CWF19L2: variants seen among roughly 807,000 people sequenced by gnomAD.
The protein encoded by CWF19L2 is CWF19-like protein 2.
CWF19L2 carries 98 observed loss-of-function variants against 111.7 expected under a neutral mutation model. That is an observed-to-expected ratio of 0.88 (90% CI 0.75 to 1.04). CWF19L2 has a LOEUF of 1.04. Ranked by LOEUF, CWF19L2 falls within the 50% of genes least tolerant of loss-of-function variation. CWF19L2 has a pLI of 0.00. For synonymous variants in CWF19L2, 351 were observed against 342.9 expected (o/e 1.02, Z -0.26); for missense variants, 1,101 against 1,051.4 (o/e 1.05, Z -0.65).
intron 10 of CWF19L2, among the ~76,000 whole-genome samples, chr11:107,397,554 C>T (rs1481130100): frequency 1.3e-5 from 2 of 151,930 alleles, no homozygotes; most frequent in Non-Finnish European, 2.9e-5. Context: ...GGCCTAGCCC[C>T]GCCCCCACCT....
At chr11:107,328,199 A>T (rs1423367231) in intron 17 of CWF19L2, among the ~76,000 whole-genome samples, 1 of 151,730 alleles carries the variant, frequency 6.6e-6, no homozygotes, top group Non-Finnish European at 1.5e-5. Context: ...TTCATGGAAA[A>T]GGGAATCTCC....
At chr11:107,388,151 T>C (rs1860797669) in intron 12 of CWF19L2, among the ~76,000 whole-genome samples, 1 of 152,206 alleles carries the variant, frequency 6.6e-6, no homozygotes, top group African/African-American at 2.4e-5. Flanking sequence ...CAACACTCTG[T>C]TGAAAATATC....
chr11:107,402,533 C>A (rs568179746), intron 10 of CWF19L2, among the ~76,000 whole-genome samples: 2 of 151,996 alleles, frequency 1.3e-5, no homozygotes, highest in South Asian at 2.1e-4. Context: ...CAATGCAATA[C>A]CACTTTACTC....
At chr11:107,350,116 T>A (rs1455613647) in intron 13 of CWF19L2, among the ~76,000 whole-genome samples, 3 of 152,168 alleles carry the variant, frequency 2.0e-5, no homozygotes, top group Non-Finnish European at 4.4e-5. Context: ...AGAAAATTCA[T>A]AAATTAATAC....
Position 107,353,641 on chromosome 11 carries a change from G to A in CWF19L2, c.1968C>T (p.Asn656=). 6.2e-7 allele frequency: 1 copy of A among 1,613,628 alleles called. No individual in the cohort carries two copies. Among genetic ancestry groups the A allele is most frequent in the East Asian group, 2.2e-5 (1 of 44,846 alleles). Residue 656 remains asparagine (N), a synonymous_variant, in exon 13 of 18, where the codon AAC becomes AAT. Transcript: ENST00000282251. The stretch of plus-strand genomic sequence containing the variant: ...GCTCAGCAATAGCTTTTTTCCTTTG[G>A]TTCTCTTCCTCTTCACCAAGACGTT... ...ERERLGEEEE[N]QRKKAIAEHR...
intron 4 of CWF19L2, among the ~76,000 whole-genome samples, chr11:107,442,722 AAG>A (rs1237126832): frequency 0.011 from 1,283 of 114,452 alleles, 35 homozygotes; most frequent in African/African-American, 0.039. Flanking sequence ...GAGAGAGAGA[AAG>A]AGAAAGAAAG....
chr11:107,454,325 A>AT, intron 3 of CWF19L2, 125 bp downstream of exon 3: 2 of 718,528 alleles, frequency 2.8e-6, no homozygotes, highest in Non-Finnish European at 4.0e-6. Flanking sequence ...TGTATCCCAG[A>AT]TATTTTCATA....
chr11:107,456,724 T>C (rs867864108), intron 1 of CWF19L2, among the ~76,000 whole-genome samples: 2 of 152,222 alleles, frequency 1.3e-5, no homozygotes, highest in Middle Eastern at 6.8e-3. Flanking sequence ...CCTGGGTGCA[T>C]ATAATAATTC....
At chr11:107,360,993 G>C (rs1464579396) in intron 12 of CWF19L2, among the ~76,000 whole-genome samples, 1 of 152,052 alleles carries the variant, frequency 6.6e-6, no homozygotes, top group Non-Finnish European at 1.5e-5. Context: ...TATTGCTCAG[G>C]CTTTTGAGGT....
chr11:107,448,595 T>A (rs1444473172), intron 3 of CWF19L2, among the ~76,000 whole-genome samples: 2 of 152,042 alleles, frequency 1.3e-5, no homozygotes, highest in Non-Finnish European at 2.9e-5. Context: ...AGCAGCACAA[T>A]GAACCTAAGG....
chr11:107,387,047 C>T (rs1409671703), intron 12 of CWF19L2, among the ~76,000 whole-genome samples: 2 of 149,582 alleles, frequency 1.3e-5, no homozygotes, highest in African/African-American at 5.0e-5. Flanking sequence ...AGCGAGACCC[C>T]GTCTCAAAAA....
chr11:107,326,714 T>C lies in CWF19L2; in HGVS notation c.*196A>G, dbSNP rs1219905960. On this transcript the variant is annotated 3_prime_UTR_variant, in exon 18 of 18. Coordinates refer to ENST00000282251, the MANE Select transcript of CWF19L2 (RefSeq NM_152434.3). ...ATATATGTTTTTACTCCATGGTGAC[T>C]AAAATGAAGTCCATAGATAGGAGCA... 2.3e-6 allele frequency: 1 copy of C among 436,058 alleles called. No homozygotes were observed. Among genetic ancestry groups the C allele is most frequent in the African/African-American group, 2.0e-5 (1 of 48,998 alleles). The allele number at this position is 436,058 out of a possible 1,614,324, so 27.0% of individuals were successfully genotyped here.
At chr11:107,403,867 C>T in intron 10 of CWF19L2, 1 of 794,072 alleles carries the variant, frequency 1.3e-6, no homozygotes, top group Non-Finnish European at 2.2e-6. Context: ...GGAATTTCCT[C>T]TTCTCCTCCT....
Position 107,433,710 on chromosome 11 carries a change from T to G in CWF19L2, c.704A>C (p.Lys235Thr). The G allele has an allele frequency of 6.3e-7, 1 of 1,590,406 alleles. No homozygotes were observed. The highest frequency in any genetic ancestry group is 1.7e-5 in the Admixed American group (1 of 57,330). Residue 235 changes from lysine (K) to threonine (T), a missense_variant, in exon 7 of 18, where the codon AAA becomes ACA. Transcript: ENST00000282251. ...TTGTTCCTTCATTCTTAGATAAGAT[T>G]TCCTTAGCCAGCTTAATCCACCATC... ...VEDGGLSWLR[K>T]SYLRMKEQAE... is the part of the protein sequence containing the mutation.
In CWF19L2 at chr11:107,356,499, CT is replaced by C. The variant is rs371077494; in HGVS notation, c.1873-2764del. On this transcript the variant is annotated intron_variant, in intron 12 of 17. Coordinates refer to ENST00000282251, the MANE Select transcript of CWF19L2 (RefSeq NM_152434.3). ...TTCCACAATATTCTACATATTAGTC[CT>C]TGTATACTTCTTGACTTTTCCAGGT... 6.6e-5 allele frequency among the ~76,000 whole-genome samples: 10 copies of C among 152,214 alleles called. No individual in the cohort carries two copies. The East Asian group carries it at 1.9e-3, about 29-fold the overall frequency.
chr11:107,338,934 A>G (rs553224122), intron 14 of CWF19L2, among the ~76,000 whole-genome samples: 1 of 152,336 alleles, frequency 6.6e-6, no homozygotes, highest in South Asian at 2.1e-4. Flanking sequence ...GTATATACCC[A>G]GTAATGGAAT....
At chr11:107,429,570 G>T in intron 7 of CWF19L2, 119 bp from the exon 8 acceptor site, 1 of 682,166 alleles carries the variant, frequency 1.5e-6, no homozygotes, top group Non-Finnish European at 2.4e-6. Context: ...CACTAACGGG[G>T]TGAAAGAAGA....
chr11:107,406,793 G>A (rs879568225), intron 10 of CWF19L2, among the ~76,000 whole-genome samples: 30 of 148,832 alleles, frequency 2.0e-4, no homozygotes, highest in Middle Eastern at 3.5e-3. Flanking sequence ...TTCTATTTTA[G>A]TAATTTCAGT....
At chr11:107,433,921 T>TATATATATATATATA (rs1861504255) in intron 6 of CWF19L2, among the ~76,000 whole-genome samples, 172 bp from the exon 7 acceptor site, 2 of 140,250 alleles carry the variant, frequency 1.4e-5, no homozygotes, top group South Asian at 2.3e-4. Flanking sequence ...TATATATATA[T>TATATATATATATATA]TTCAGTGCCT....
Sources: gnomAD v4.1 joint callset for allele counts (sites outside exome capture counted in the v4.1 genomes callset) on GRCh38, gnomAD v4.1.1 for gene constraint, MANE v1.5 for transcripts, NCBI Gene and HGNC (gene_info 2026-07-23, HGNC 2026-07-21) for gene names.